The following RAB3GAP1 variants were observed in gnomAD, a reference collection of about 807,000 sequenced individuals.
RAB3GAP1 encodes the protein RAB3 GTPase activating protein catalytic subunit 1, also known as rab3 GTPase-activating protein catalytic subunit.
Under a neutral mutation model 130.7 loss-of-function variants are expected in RAB3GAP1, and 86 were observed. That is an observed-to-expected ratio of 0.66 (90% CI 0.55 to 0.79). The LOEUF (loss-of-function observed/expected upper bound fraction) is 0.79. Among genes scored for constraint, RAB3GAP1 ranks in the 30% least tolerant of loss-of-function variants. The pLI is 0.00. For missense variants in RAB3GAP1, 1,029 were observed against 1,169.4 expected, an observed-to-expected ratio of 0.88 and a Z score of 1.75; for synonymous variants, 367 against 401.7, an observed-to-expected ratio of 0.91 and a Z score of 1.03.
rs1692799414 is a variant in RAB3GAP1, at chr2:135,169,939, AAATT to A, written c.*1162_*1165del. ...TAAACCTTGCCTGTGTAATTTTAAA[AAATT>A]AATAGAGCTGTGCAAACCCTGTTAT... On this transcript the variant is annotated 3_prime_UTR_variant, in exon 24 of 24. Transcript: ENST00000264158. 2 of 320,696 alleles carry A rather than the reference AAATT, an allele frequency of 6.2e-6. No individual in the cohort carries two copies. The highest frequency in any genetic ancestry group is 7.9e-5 in the East Asian group (1 of 12,580). The allele number at this position is 320,696 out of a possible 1,614,324, so 19.9% of individuals were successfully genotyped here. A position where few individuals can be genotyped will look rare whatever the true frequency, so the allele number is the denominator to read the frequency against.
intron 23 of RAB3GAP1, among the ~76,000 whole-genome samples, chr2:135,168,069 G>A (rs1692712563): frequency 1.3e-5 from 2 of 152,188 alleles, no homozygotes; most frequent in South Asian, 4.1e-4. Context: ...CAGCAAGCAA[G>A]ACCAATGCCC....
At chr2:135,070,544 T>A (rs866752444) in intron 3 of RAB3GAP1, among the ~76,000 whole-genome samples, 10 of 152,170 alleles carry the variant, frequency 6.6e-5, no homozygotes, top group Admixed American at 6.6e-5. Context: ...TTATTTATTT[T>A]GTCAGCCAGC....
rs1266575737 is a variant in RAB3GAP1 at position 135,135,380 on chromosome 2, C to G, written c.1554+61C>G. The G allele has an allele frequency of 2.0e-6, 3 of 1,507,676 alleles. No homozygotes were observed. The Admixed American group carries it at 5.0e-5, about 25-fold the overall frequency. The allele number at this position is 1,507,676 out of a possible 1,614,324, so 93.4% of individuals were successfully genotyped here. A position where few individuals can be genotyped will look rare whatever the true frequency, so the allele number is the denominator to read the frequency against. Reference sequence around the variant, plus strand: ...TTGATTTAATCAGATTATTCTAATACTAAATGTAATAATGGGTTACATGCT... The same window carrying G: ...TTGATTTAATCAGATTATTCTAATAGTAAATGTAATAATGGGTTACATGCT... On this transcript the variant is annotated intron_variant, in intron 16 of 23. Transcript: ENST00000264158.
chr2:135,167,727 C>T (rs887540382), intron 23 of RAB3GAP1: 1 of 1,474,040 alleles, frequency 6.8e-7, no homozygotes, highest in South Asian at 1.2e-5. Flanking sequence ...ACAAAATAGC[C>T]TTTGCCCCTC....
intron 5 of RAB3GAP1, among the ~76,000 whole-genome samples, chr2:135,111,585 A>G (rs913599430): frequency 1.3e-5 from 2 of 152,210 alleles, no homozygotes; most frequent in South Asian, 4.1e-4. Context: ...GAAAGGACAT[A>G]TACATCATTG....
chr2:135,168,621 C>T lies in RAB3GAP1; in HGVS notation c.2786C>T (p.Ser929Leu), dbSNP rs758480061. Residue 929 changes from serine to leucine, a missense_variant, in exon 24 of 24, where the codon TCA (serine) becomes TTA (leucine). By Grantham distance (145) the Ser-to-Leu change is moderately radical. This residue lies in a region of RAB3GAP1 where 146 missense variants were observed against 143.7 expected (regional missense o/e 1.02). Coordinates refer to ENST00000264158, the MANE Select transcript of RAB3GAP1 (RefSeq NM_012233.3). ...SPEERRQNSV[S>L]DFPPPAGREF... Reference sequence around the variant, plus strand: ...GAGGAAAGAAGGCAGAACTCCGTGTCAGACTTCCCACCCCCTGCTGGCCGG... The same window carrying T: ...GAGGAAAGAAGGCAGAACTCCGTGTTAGACTTCCCACCCCCTGCTGGCCGG... 6.2e-7 allele frequency: 1 copy of T among 1,614,220 alleles called. No homozygotes were observed. The highest frequency in any genetic ancestry group is 2.2e-5 in the East Asian group (1 of 44,870).
At chr2:135,060,579 A>G (rs1240065358) in intron 3 of RAB3GAP1, among the ~76,000 whole-genome samples, 1 of 151,360 alleles carries the variant, frequency 6.6e-6, no homozygotes, top group Non-Finnish European at 1.5e-5. Context: ...ATTTTGACAA[A>G]TGTTCACATG....
chr2:135,106,067 T>G (rs971686112), intron 5 of RAB3GAP1, among the ~76,000 whole-genome samples: 1 of 150,850 alleles, frequency 6.6e-6, no homozygotes, highest in African/African-American at 2.5e-5. Flanking sequence ...GAGGAGCGTC[T>G]CGGCCCGGCA....
intron 17 of RAB3GAP1, among the ~76,000 whole-genome samples, chr2:135,136,150 A>T (rs1691675130): frequency 6.6e-6 from 1 of 152,040 alleles, no homozygotes; most frequent in African/African-American, 2.4e-5. Flanking sequence ...ACATGGTGAA[A>T]CCCTGTCTCT....
rs902225013 is a variant in RAB3GAP1, at chr2:135,052,624, GTCT to G, written c.74+144_74+146del. 5.5e-5 allele frequency: 54 copies of G among 982,938 alleles called. 1 individual carries two copies. The highest frequency in any genetic ancestry group is 5.1e-4 in the African/African-American group (32 of 62,262). The allele number at this position is 982,938 out of a possible 1,614,324, so 60.9% of individuals were successfully genotyped here. On this transcript the variant is annotated intron_variant, in intron 2 of 23. Coordinates refer to ENST00000264158, the MANE Select transcript of RAB3GAP1 (RefSeq NM_012233.3). Reference sequence around the variant, plus strand: ...CGTGGGTCCCGGGTCTCCTCCCCCAGTCTTCTTTGGTCAACCGCAAGCCTCTTC... The same window carrying G: ...CGTGGGTCCCGGGTCTCCTCCCCCAGTCTTTGGTCAACCGCAAGCCTCTTC...
At chr2:135,095,110 G>A (rs1187276802) in intron 5 of RAB3GAP1, among the ~76,000 whole-genome samples, 4 of 151,974 alleles carry the variant, frequency 2.6e-5, no homozygotes, top group Non-Finnish European at 4.4e-5. Flanking sequence ...GTGCAGTGGC[G>A]TGATCTCGGC....
chr2:135,113,315 A>G (rs1690874685), intron 6 of RAB3GAP1, 45 bp downstream of exon 6: 2 of 1,604,734 alleles, frequency 1.2e-6, no homozygotes, highest in Non-Finnish European at 1.7e-6. Flanking sequence ...ACTGTTTTTA[A>G]CAATAATTTA....
intron 7 of RAB3GAP1, among the ~76,000 whole-genome samples, chr2:135,119,567 T>C (rs1285765335): frequency 2.0e-5 from 3 of 151,842 alleles, no homozygotes; most frequent in African/African-American, 7.3e-5. Context: ...AAAGTTGATA[T>C]ACTGACCAGC....
chr2:135,129,871 T>C, intron 11 of RAB3GAP1, 124 bp from the exon 12 acceptor site: 1 of 697,466 alleles, frequency 1.4e-6, no homozygotes, highest in Non-Finnish European at 2.5e-6. Context: ...ATGGAAAAAC[T>C]GAATGGTTTT....
intron 7 of RAB3GAP1, among the ~76,000 whole-genome samples, chr2:135,116,686 CA>C (rs762137926): frequency 6.6e-6 from 1 of 152,140 alleles, no homozygotes; most frequent in Non-Finnish European, 1.5e-5. Context: ...TTAGGAATTA[CA>C]TGCTAAAGTA....
chr2:135,063,939 G>A (rs1689246971), intron 3 of RAB3GAP1, among the ~76,000 whole-genome samples: 1 of 152,148 alleles, frequency 6.6e-6, no homozygotes, highest in South Asian at 2.1e-4. Flanking sequence ...TTTCCTGAAA[G>A]ATTTTGCCGT....
At chr2:135,122,206 A>G (rs997071496) in intron 8 of RAB3GAP1, among the ~76,000 whole-genome samples, 11 of 152,220 alleles carry the variant, frequency 7.2e-5, no homozygotes, top group African/African-American at 2.2e-4. Context: ...AATGTACACT[A>G]AAAGGACCGT....
chr2:135,171,793 T>G (rs1429371442), downstream of RAB3GAP1, among the ~76,000 whole-genome samples: 2 of 151,562 alleles, frequency 1.3e-5, no homozygotes, highest in Non-Finnish European at 2.9e-5. Flanking sequence ...AGGAAGGGAG[T>G]CTGTCTTCTA....
Position 135,130,465 on chromosome 2 carries a change from A to C in RAB3GAP1, c.1067-87A>C. ...AACACTAGTAAAAAGAATGAGTAAAATATTCTATATAATCATCAATTTGTT... is the reference window on the plus strand; with the variant it reads ...AACACTAGTAAAAAGAATGAGTAAACTATTCTATATAATCATCAATTTGTT... On this transcript the variant is annotated intron_variant, in intron 12 of 23. Coordinates refer to ENST00000264158, the MANE Select transcript of RAB3GAP1 (RefSeq NM_012233.3). The C allele has an allele frequency of 4.4e-6, 5 of 1,129,542 alleles. No homozygotes were observed. The South Asian group carries it at 7.1e-5, about 16-fold the overall frequency. The allele number at this position is 1,129,542 out of a possible 1,614,324, so 70.0% of individuals were successfully genotyped here.
Sources: allele counts gnomAD v4.1 joint callset (sites outside exome capture counted in the v4.1 genomes callset), GRCh38; gene constraint gnomAD v4.1.1; regional missense constraint gnomAD v4.1.1; transcripts MANE v1.5; gene names NCBI Gene and HGNC (gene_info 2026-07-23, HGNC 2026-07-21).